The following BTBD7 variants were observed in gnomAD, a reference collection of about 807,000 sequenced individuals.
BTBD7 encodes BTB domain containing 7, also known as BTB/POZ domain-containing protein 7.
Under a neutral mutation model 99.9 loss-of-function variants are expected in BTBD7, and 38 were observed. The ratio of observed to expected loss-of-function variants is 0.38; its 90% confidence interval spans 0.29 to 0.50. The LOEUF (loss-of-function observed/expected upper bound fraction) is 0.50, where lower values mean the gene tolerates loss of function less well. BTBD7 is among the 20% of genes least tolerant of loss of function. The pLI is 0.93. For missense variants in BTBD7, 1,170 were observed against 1,394.6 expected, an observed-to-expected ratio of 0.84 and a Z score of 2.57; for synonymous variants, 520 against 511.4, an observed-to-expected ratio of 1.02 and a Z score of -0.23.
At chr14:93,252,051 T>C (rs942074152) in intron 7 of BTBD7, among the ~76,000 whole-genome samples, 1 of 152,156 alleles carries the variant, frequency 6.6e-6, no homozygotes, top group Non-Finnish European at 1.5e-5. Context: ...GACTCATGCC[T>C]GTAATCCCAG....
chr14:93,284,096 A>G (rs2052751635), intron 3 of BTBD7, among the ~76,000 whole-genome samples: 1 of 152,244 alleles, frequency 6.6e-6, no homozygotes, highest in East Asian at 1.9e-4. Context: ...TTTGAGATAT[A>G]TAATTAGTTC....
chr14:93,244,971 C>G (rs1396411143), intron 10 of BTBD7, among the ~76,000 whole-genome samples: 2 of 151,392 alleles, frequency 1.3e-5, no homozygotes, highest in African/African-American at 4.9e-5. Flanking sequence ...GTGATTGTCC[C>G]ACCTTAGCCC....
chr14:93,254,563 A>G (rs2052408415), intron 6 of BTBD7, among the ~76,000 whole-genome samples: 2 of 152,090 alleles, frequency 1.3e-5, no homozygotes, highest in South Asian at 4.2e-4. Flanking sequence ...TCAAACTTCA[A>G]CTCCTGCATT....
chr14:93,272,806 G>A (rs1022176584), intron 3 of BTBD7, among the ~76,000 whole-genome samples: 5 of 151,960 alleles, frequency 3.3e-5, no homozygotes, highest in African/African-American at 9.7e-5. Flanking sequence ...GTGACTCTGA[G>A]AGCTGCTTGG....
chr14:93,267,963 C>T (rs562147293), intron 3 of BTBD7, among the ~76,000 whole-genome samples: 4 of 152,128 alleles, frequency 2.6e-5, no homozygotes, highest in Admixed American at 6.5e-5. Flanking sequence ...GCCTCTTTAA[C>T]GAATTATTCA....
chr14:93,325,844 C>T (rs970374958), intron 1 of BTBD7, among the ~76,000 whole-genome samples: 4 of 152,096 alleles, frequency 2.6e-5, no homozygotes, highest in African/African-American at 9.7e-5. Context: ...TAAAGTGTTT[C>T]CTAGCTATTC....
chr14:93,259,086 T>C (rs1480645486), intron 5 of BTBD7, among the ~76,000 whole-genome samples: 1 of 152,256 alleles, frequency 6.6e-6, no homozygotes. Context: ...AATCAGCATA[T>C]ACTGAACTGT....
At chr14:93,305,489 T>A (rs78870165) in intron 1 of BTBD7, among the ~76,000 whole-genome samples, 6,309 of 152,204 alleles carry the variant, frequency 0.041, 442 homozygotes, top group African/African-American at 0.14. Context: ...AAACAAGAAG[T>A]AGAAAACCAG....
chr14:93,248,135 A>C (rs2052333154), intron 9 of BTBD7, among the ~76,000 whole-genome samples: 1 of 152,112 alleles, frequency 6.6e-6, no homozygotes, highest in Non-Finnish European at 1.5e-5. Context: ...CCAGAAATAT[A>C]GCTGCTGTAC....
At chr14:93,323,402 C>G (rs1274982673) in intron 1 of BTBD7, among the ~76,000 whole-genome samples, 1 of 152,186 alleles carries the variant, frequency 6.6e-6, no homozygotes, top group Non-Finnish European at 1.5e-5. Context: ...TGTGACAGAA[C>G]TATGACTCTG....
At chr14:93,252,687 A>G (rs1472304226) in intron 7 of BTBD7, among the ~76,000 whole-genome samples, 1 of 152,034 alleles carries the variant, frequency 6.6e-6, no homozygotes, top group Non-Finnish European at 1.5e-5. Flanking sequence ...AAAATGAGAA[A>G]CATTTTGAGG....
At chr14:93,316,545 G>A (rs1275469610) in intron 1 of BTBD7, among the ~76,000 whole-genome samples, 1 of 152,180 alleles carries the variant, frequency 6.6e-6, no homozygotes, top group East Asian at 1.9e-4. Flanking sequence ...CACCATACTG[G>A]GCATAACATG....
chr14:93,245,585 AAAGAT>A (rs1231104239), intron 10 of BTBD7, among the ~76,000 whole-genome samples: 2 of 152,172 alleles, frequency 1.3e-5, no homozygotes, highest in Non-Finnish European at 2.9e-5. Flanking sequence ...AAATGAACAT[AAAGAT>A]AAGAAGATAC....
At chr14:93,296,243 T>A in intron 1 of BTBD7, 86 bp from the exon 2 acceptor site, 2 of 989,674 alleles carry the variant, frequency 2.0e-6, no homozygotes, top group Non-Finnish European at 2.7e-6. Flanking sequence ...TGAAAACTGC[T>A]TTCATTCACA....
At chr14:93,277,506 T>C (rs1393536693) in intron 3 of BTBD7, among the ~76,000 whole-genome samples, 1 of 152,186 alleles carries the variant, frequency 6.6e-6, no homozygotes, top group African/African-American at 2.4e-5. Context: ...AGAAAGGATA[T>C]ACCACTAGAG....
In BTBD7 at chr14:93,263,980, G is replaced by A. The variant is rs2052516489; in HGVS notation, c.1176C>T (p.Ile392=). Residue 392 remains isoleucine (I), a synonymous_variant, in exon 4 of 11, where the codon ATC becomes ATT. Transcript: ENST00000334746. ...FNMLAQGCED[I]IAESISLDTL... ...TATCTAATGAGATGCTCTCAGCAAT[G>A]ATATCCTCACAGCCTAAAAGAGAAG... 1 of 1,613,928 alleles carries A rather than the reference G, an allele frequency of 6.2e-7. No homozygotes were observed. Among genetic ancestry groups the A allele is most frequent in the East Asian group, 2.2e-5 (1 of 44,888 alleles).
At chr14:93,250,152 T>C (rs2052354773) in intron 8 of BTBD7, among the ~76,000 whole-genome samples, 1 of 152,178 alleles carries the variant, frequency 6.6e-6, no homozygotes, top group Non-Finnish European at 1.5e-5. Flanking sequence ...CTATCCATCC[T>C]TTCATGAATG....
At chr14:93,259,044 C>T (rs2052461055) in intron 5 of BTBD7, among the ~76,000 whole-genome samples, 1 of 152,178 alleles carries the variant, frequency 6.6e-6, no homozygotes, top group African/African-American at 2.4e-5. Flanking sequence ...TTCTTATTAT[C>T]TGAAGTAGTT....
At chr14:93,319,263 G>C (rs2053242690) in intron 1 of BTBD7, among the ~76,000 whole-genome samples, 1 of 152,150 alleles carries the variant, frequency 6.6e-6, no homozygotes, top group Non-Finnish European at 1.5e-5. Context: ...ATCTGCTCTG[G>C]TCCTTGCAGG....
Sources: allele counts gnomAD v4.1 joint callset (sites outside exome capture counted in the v4.1 genomes callset), GRCh38; gene constraint gnomAD v4.1.1; transcripts MANE v1.5; gene names NCBI Gene and HGNC (gene_info 2026-07-23, HGNC 2026-07-21).